The following CCDC3 variants were observed in gnomAD, a reference collection of about 807,000 sequenced individuals.
CCDC3 encodes the protein coiled-coil domain-containing protein 3.
Under a neutral mutation model 21.4 loss-of-function variants are expected in CCDC3, and 24 were observed. The observed-to-expected ratio is 1.12, with a 90% CI of 0.81 to 1.58. The LOEUF is 1.58. Ranked by LOEUF, CCDC3 falls within the 40% of genes most tolerant of loss-of-function variation. The pLI, the probability that CCDC3 is intolerant of heterozygous loss-of-function variation, is 0.00. For synonymous variants in CCDC3, 186 were observed against 166.0 expected (o/e 1.12, Z -0.93); for missense variants, 425 against 360.9 (o/e 1.18, Z -1.44).
chr10:12,901,247 C>CTA (rs1834087426), intron 2 of CCDC3, among the ~76,000 whole-genome samples: 1 of 152,054 alleles, frequency 6.6e-6, no homozygotes, highest in Non-Finnish European at 1.5e-5. Context: ...AAAACACCAC[C>CTA]TATACCTCTT....
intron 2 of CCDC3, among the ~76,000 whole-genome samples, chr10:12,926,921 T>G (rs901467073): frequency 2.0e-5 from 3 of 151,994 alleles, no homozygotes; most frequent in Non-Finnish European, 4.4e-5. Flanking sequence ...ATACATAAAC[T>G]CAGAGCATTT....
intron 2 of CCDC3, among the ~76,000 whole-genome samples, chr10:13,098,917 A>AT (rs1832672483): frequency 6.6e-6 from 1 of 151,524 alleles, no homozygotes; most frequent in East Asian, 2.0e-4. Flanking sequence ...GGCTTTCACC[A>AT]TATTGGCCAG....
chr10:12,923,802 T>A (rs534361627), intron 2 of CCDC3, among the ~76,000 whole-genome samples: 1 of 152,308 alleles, frequency 6.6e-6, no homozygotes, highest in South Asian at 2.1e-4. Flanking sequence ...TCACTTACAC[T>A]TTACAAGTCA....
chr10:13,001,265 G>A lies in CCDC3; in HGVS notation c.306C>T (p.Thr102=), dbSNP rs767794914. The A allele has an allele frequency of 1.9e-6, 3 of 1,599,186 alleles. No individual in the cohort carries two copies. The highest frequency in any genetic ancestry group is 1.7e-5 in the Admixed American group (1 of 57,852). The change falls in exon 1 of 3, where the codon ACC becomes ACT. Residue 102 remains threonine, a synonymous_variant. Coordinates refer to ENST00000378825, the MANE Select transcript of CCDC3 (RefSeq NM_031455.4). The part of the protein sequence containing the change: ...EVPAGSRLNL[T]GLGYFSCHSH... ...AGTGGCACGAGAAGTAGCCCAGGCC[G>A]GTGAGGTTGAGCCTGGAGCCGGCGG...
At chr10:13,039,051 C>T (rs1836415680) in intron 5 of CCDC3, among the ~76,000 whole-genome samples, 1 of 152,144 alleles carries the variant, frequency 6.6e-6, no homozygotes, top group African/African-American at 2.4e-5. Context: ...GCTCAAATGC[C>T]ACCACGCACA....
intron 2 of CCDC3, among the ~76,000 whole-genome samples, chr10:12,923,371 C>A (rs1834483749): frequency 6.6e-6 from 1 of 152,160 alleles, no homozygotes; most frequent in Non-Finnish European, 1.5e-5. Flanking sequence ...ACTCGTTATT[C>A]CCTGAACATA....
chr10:13,037,890 T>C (rs1247322649), intron 5 of CCDC3, among the ~76,000 whole-genome samples: 1 of 151,806 alleles, frequency 6.6e-6, no homozygotes, highest in Non-Finnish European at 1.5e-5. Flanking sequence ...GCATACACCC[T>C]GAGTCTCTAC....
At chr10:12,960,168 A>ACAACACACAC (rs1554756648) in intron 2 of CCDC3, among the ~76,000 whole-genome samples, 21 of 148,854 alleles carry the variant, frequency 1.4e-4, no homozygotes, top group Non-Finnish European at 2.1e-4. Flanking sequence ...ACACACACAC[A>ACAACACACAC]ACACACACAC....
At chr10:12,984,323 A>G (rs1835554382) in intron 2 of CCDC3, among the ~76,000 whole-genome samples, 1 of 152,252 alleles carries the variant, frequency 6.6e-6, no homozygotes, top group South Asian at 2.1e-4. Context: ...ATCATGAGTC[A>G]TTAGGGAAAT....
intron 1 of CCDC3, among the ~76,000 whole-genome samples, 189 bp from the exon 2 acceptor site, chr10:12,998,701 T>C (rs138482332): frequency 1.1e-3 from 163 of 152,342 alleles, no homozygotes; most frequent in African/African-American, 3.7e-3. Flanking sequence ...CCTTAAGGTT[T>C]TCAAAAAGAT....
At chr10:12,973,530 T>C (rs1478842533) in intron 2 of CCDC3, among the ~76,000 whole-genome samples, 2 of 152,206 alleles carry the variant, frequency 1.3e-5, no homozygotes, top group African/African-American at 2.4e-5. Context: ...GAGCCAACCA[T>C]GTTCTTCCTA....
chr10:12,980,612 A>G (rs1344805427), intron 2 of CCDC3, among the ~76,000 whole-genome samples: 1 of 152,184 alleles, frequency 6.6e-6, no homozygotes, highest in East Asian at 1.9e-4. Context: ...TGCATGAGCT[A>G]AGATGTCCTC....
intron 2 of CCDC3, among the ~76,000 whole-genome samples, chr10:12,988,119 T>C (rs938438491): frequency 1.3e-5 from 2 of 152,216 alleles, no homozygotes; most frequent in Admixed American, 6.5e-5. Flanking sequence ...ATCCAGCCCA[T>C]GCTCACCTCT....
rs1269085029 is a variant in CCDC3, at chr10:12,898,832, G to A, written c.550-153C>T. ...GCATAAACCCCAGGATGTCCTTGAC[G>A]GTGACATTCCCCGCCCTCCACCCTG... On this transcript the variant is annotated intron_variant, in intron 2 of 2. Transcript: ENST00000378825. Among the ~76,000 whole-genome samples the A allele has an allele frequency of 2.6e-5, 4 of 152,148 alleles. No homozygotes were observed. The East Asian group carries it at 5.8e-4, about 22-fold the overall frequency.
intron 2 of CCDC3, among the ~76,000 whole-genome samples, chr10:12,958,479 C>T (rs550145508): frequency 6.6e-5 from 10 of 152,146 alleles, no homozygotes; most frequent in African/African-American, 2.4e-4. Flanking sequence ...CTTTGGGTAC[C>T]ATTTCAAAGC....
chr10:12,984,318 G>T (rs536933), intron 2 of CCDC3, among the ~76,000 whole-genome samples: 87,344 of 152,092 alleles, frequency 0.57, 25,317 homozygotes, highest in East Asian at 0.74. Context: ...TCGACATCAT[G>T]AGTCATTAGG....
intron 5 of CCDC3, among the ~76,000 whole-genome samples, chr10:13,014,065 C>T (rs1422290327): frequency 4.0e-5 from 6 of 151,416 alleles, no homozygotes; most frequent in South Asian, 2.1e-4. Context: ...GCAGGAGACT[C>T]ACTTGAACCC....
At chr10:12,925,049 G>A (rs565717837) in intron 2 of CCDC3, among the ~76,000 whole-genome samples, 1 of 152,334 alleles carries the variant, frequency 6.6e-6, no homozygotes, top group Admixed American at 6.5e-5. Flanking sequence ...GCCTCTGTGT[G>A]TTGAAGGAGA....
chr10:13,084,086 G>A (rs919377074), intron 3 of CCDC3, among the ~76,000 whole-genome samples: 72 of 151,982 alleles, frequency 4.7e-4, no homozygotes, highest in African/African-American at 1.5e-3. Context: ...TAGTAATATC[G>A]ATTCTTGCAA....
Sources: allele counts gnomAD v4.1 joint callset (sites outside exome capture counted in the v4.1 genomes callset), GRCh38; gene constraint gnomAD v4.1.1; transcripts MANE v1.5; gene names NCBI Gene and HGNC (gene_info 2026-07-23, HGNC 2026-07-21).